The following NTNG2 variants were observed in gnomAD, a reference collection of about 807,000 sequenced individuals.
NTNG2 encodes the protein netrin-G2.
NTNG2 carries 15 observed loss-of-function variants against 47.6 expected under a neutral mutation model. The ratio of observed to expected loss-of-function variants is 0.32; its 90% CI spans 0.21 to 0.49. The LOEUF is 0.49. Ranked by LOEUF, NTNG2 falls within the 20% of genes least tolerant of loss-of-function variation. The pLI is 0.99. For missense variants in NTNG2, 578 were observed against 764.6 expected, an observed-to-expected ratio of 0.76 and a Z score of 2.88; for synonymous variants, 307 against 324.6, an observed-to-expected ratio of 0.95 and a Z score of 0.58.
intron 2 of NTNG2, among the ~76,000 whole-genome samples, chr9:132,185,547 T>A (rs1837297685): frequency 6.6e-6 from 1 of 152,132 alleles, no homozygotes; most frequent in Non-Finnish European, 1.5e-5. Context: ...AGCAGGGCGC[T>A]GTTCCTACTC....
intron 4 of NTNG2, 78 bp downstream of exon 4, chr9:132,227,099 A>G (rs1256458967): frequency 3.5e-6 from 5 of 1,438,798 alleles, no homozygotes; most frequent in East Asian, 2.4e-5. Flanking sequence ...GCTGTGGATC[A>G]TACACACGCA....
chr9:132,214,180 C>A (rs1839808994), intron 3 of NTNG2, among the ~76,000 whole-genome samples: 1 of 152,256 alleles, frequency 6.6e-6, no homozygotes, highest in African/African-American at 2.4e-5. Context: ...TTCCGGCAGC[C>A]AGGAGTTGAC....
chr9:132,236,026 G>A lies in NTNG2; in HGVS notation c.1055-3078G>A, dbSNP rs1841600748. Among the ~76,000 whole-genome samples, 1 of 152,222 alleles carries A rather than the reference G, an allele frequency of 6.6e-6. No homozygotes were observed. The highest frequency in any genetic ancestry group is 2.4e-5 in the African/African-American group (1 of 41,448). ...CCCTTCCACCAGCACTCCCTCCGAG[G>A]GCTTCGGAGTCTGGTAGAGGCCCCG... On this transcript the variant is annotated intron_variant, in intron 5 of 7. Coordinates refer to ENST00000393229, the MANE Select transcript of NTNG2 (RefSeq NM_032536.4). The surrounding 1 kb of genome is among the most constrained non-coding windows in gnomAD (Gnocchi z 4.3).
chr9:132,197,958 C>G lies in NTNG2; in HGVS notation c.214-8C>G, dbSNP rs112978044. On this transcript the variant is annotated splice_region_variant and splice_polypyrimidine_tract_variant and intron_variant, in intron 2 of 7. Transcript: ENST00000393229. This position sits in a 1 kb window ranked among gnomAD's most constrained non-coding sequence, Gnocchi z 4.3. ...ACCCACCCTTCCCTTCTCCTCTCCC[C>G]GCTGCAGGAGAATCCCTACCTATGC... The G allele has an allele frequency of 7.9e-4, 1,274 of 1,604,164 alleles. 7 individuals carry two copies. In the African/African-American group the frequency reaches 0.015, roughly 18 times the overall value.
chr9:132,212,933 C>T (rs1279661557), intron 3 of NTNG2, among the ~76,000 whole-genome samples: 1 of 128,842 alleles, frequency 7.8e-6, no homozygotes, highest in African/African-American at 4.7e-5. Context: ...CTCTCCCAAC[C>T]CCCCAAAGAA....
At chr9:132,185,857 T>G (rs1015739542) in intron 2 of NTNG2, among the ~76,000 whole-genome samples, 1,386 of 75,102 alleles carry the variant, frequency 0.018, no homozygotes, top group Middle Eastern at 0.021. Context: ...GGAGGAGGAG[T>G]GGGAGGAGGA....
At chr9:132,189,579 G>C (rs1314011090) in intron 2 of NTNG2, among the ~76,000 whole-genome samples, 2 of 152,042 alleles carry the variant, frequency 1.3e-5, no homozygotes, top group Non-Finnish European at 2.9e-5. Context: ...AGGGAAGAAG[G>C]GCAGGGGAAG....
rs1465178489 is a variant in NTNG2, at chr9:132,236,782, C to A, written c.1055-2322C>A. On this transcript the variant is annotated intron_variant, in intron 5 of 7. Transcript: ENST00000393229. This position sits in a 1 kb window ranked among gnomAD's most constrained non-coding sequence, Gnocchi z 4.3. ...CCCGGGACAGTGGCCTGCTCACCCA[C>A]AGATAGGGCGTTGGGGTCCCAGCGG... Among the ~76,000 whole-genome samples the A allele has an allele frequency of 6.6e-6, 1 of 152,218 alleles. No homozygotes were observed. The highest frequency in any genetic ancestry group is 1.5e-5 in the Non-Finnish European group (1 of 68,040).
intron 2 of NTNG2, among the ~76,000 whole-genome samples, chr9:132,174,449 G>C (rs111657772): frequency 6.6e-6 from 1 of 152,180 alleles, no homozygotes; most frequent in East Asian, 1.9e-4. Flanking sequence ...GATGGGGCCC[G>C]GGGGCATCCC....
Position 132,239,131 on chromosome 9 carries a change from G to A in NTNG2, c.1082G>A (p.Arg361His), listed in dbSNP as rs372321370. 3 of 1,613,516 alleles carry A rather than the reference G, an allele frequency of 1.9e-6. No homozygotes were observed. The highest frequency in any genetic ancestry group is 1.7e-6 in the Non-Finnish European group (2 of 1,179,672). ...TGCGAATGCTACGGTCACTCCAACC[G>A]CTGCAGCTACATTGACTTCCTGAAT... Reference protein sequence around the residue: ...GNCECYGHSNRCSYIDFLNVV... With the variant: ...GNCECYGHSNHCSYIDFLNVV... Residue 361 changes from arginine (R) to histidine (H), a missense_variant, in exon 6 of 8, where the codon CGC (arginine) becomes CAC (histidine). Transcript: ENST00000393229.
At chr9:132,164,556 G>A (rs1283330626) in intron 1 of NTNG2, among the ~76,000 whole-genome samples, 1 of 152,252 alleles carries the variant, frequency 6.6e-6, no homozygotes, top group East Asian at 1.9e-4. Flanking sequence ...GGCAGCGCGA[G>A]CTCGGGTAGA....
chr9:132,231,209 G>T lies in NTNG2; in HGVS notation c.1054+614G>T. On this transcript the variant is annotated intron_variant, in intron 5 of 7. Coordinates refer to ENST00000393229, the MANE Select transcript of NTNG2 (RefSeq NM_032536.4). This position sits in a 1 kb window ranked among gnomAD's most constrained non-coding sequence, Gnocchi z 4.1. ...GAGAGTTCCCCAGGAGGGCGAGGGCGACATGGCGCCCACAGGTTATCAGTA... is the reference window on the plus strand; with the variant it reads ...GAGAGTTCCCCAGGAGGGCGAGGGCTACATGGCGCCCACAGGTTATCAGTA... The T allele has an allele frequency of 4.7e-6, 2 of 424,760 alleles. No individual in the cohort carries two copies. The highest frequency in any genetic ancestry group is 4.7e-6 in the Non-Finnish European group (1 of 210,798). The allele number at this position is 424,760 out of a possible 1,614,324, so 26.3% of individuals were successfully genotyped here.
At chr9:132,169,494 G>A (rs1017012631) in intron 2 of NTNG2, among the ~76,000 whole-genome samples, 2 of 152,220 alleles carry the variant, frequency 1.3e-5, no homozygotes, top group Non-Finnish European at 2.9e-5. Context: ...ATGCTCTGAG[G>A]TAGGTCCTAC....
At chr9:132,189,540 C>A (rs1427263924) in intron 2 of NTNG2, among the ~76,000 whole-genome samples, 1 of 152,068 alleles carries the variant, frequency 6.6e-6, no homozygotes, top group Admixed American at 6.5e-5. Context: ...TGGGAGGGCA[C>A]CTCTCGAATG....
intron 5 of NTNG2, among the ~76,000 whole-genome samples, chr9:132,235,125 G>A (rs1735494042): frequency 6.6e-6 from 1 of 152,218 alleles, no homozygotes; most frequent in Non-Finnish European, 1.5e-5. Context: ...CAGGAAGGTA[G>A]AAGGGCAGTG....
intron 4 of NTNG2, among the ~76,000 whole-genome samples, chr9:132,228,843 C>T (rs1168411074): frequency 3.3e-5 from 5 of 152,190 alleles, no homozygotes; most frequent in Admixed American, 3.3e-4. Context: ...CAGGCATGAG[C>T]CACCACGTCT....
rs554400502 is a variant in NTNG2, at chr9:132,231,276, G to A, written c.1054+681G>A. Reference sequence around the variant, plus strand: ...TCCCCAGACACTCACAGGGTGCCAGGCACGGTCTCTCCTTTCAGCCTTGCA... The same window carrying A: ...TCCCCAGACACTCACAGGGTGCCAGACACGGTCTCTCCTTTCAGCCTTGCA... On this transcript the variant is annotated intron_variant, in intron 5 of 7. Coordinates refer to ENST00000393229, the MANE Select transcript of NTNG2 (RefSeq NM_032536.4). The surrounding 1 kb of genome is among the most constrained non-coding windows in gnomAD (Gnocchi z 4.1). 1.1e-5 allele frequency: 5 copies of A among 456,206 alleles called. No homozygotes were observed. The highest frequency in any genetic ancestry group is 6.0e-5 in the African/African-American group (3 of 50,154). 28.3% of individuals were successfully genotyped at this position (456,206 alleles called of 1,614,324 possible).
At chr9:132,190,336 C>T (rs1837787831) in intron 2 of NTNG2, among the ~76,000 whole-genome samples, 1 of 150,822 alleles carries the variant, frequency 6.6e-6, no homozygotes, top group African/African-American at 2.4e-5. Flanking sequence ...GCCTGTGGAG[C>T]TGGGGAGCTG....
chr9:132,207,749 G>T (rs1220974160), intron 3 of NTNG2, among the ~76,000 whole-genome samples: 1 of 152,184 alleles, frequency 6.6e-6, no homozygotes, highest in African/African-American at 2.4e-5. Context: ...CTCCCGTAGT[G>T]GGAGAGCAGA....
Sources: gnomAD v4.1 joint callset for allele counts (sites outside exome capture counted in the v4.1 genomes callset) on GRCh38, gnomAD v4.1.1 for gene constraint, Gnocchi (gnomAD v3.1) non-coding constraint, MANE v1.5 for transcripts, NCBI Gene and HGNC (gene_info 2026-07-23, HGNC 2026-07-21) for gene names.